TFEC: variants seen among roughly 807,000 people sequenced by gnomAD.
TFEC encodes the protein class E basic helix-loop-helix protein 34.
In TFEC, 31 loss-of-function variants were observed where a neutral mutation model predicts 41.6. The observed-to-expected ratio is 0.74, with a 90% CI of 0.56 to 1.01. The LOEUF (loss-of-function observed/expected upper bound fraction) is 1.01, where lower values mean the gene tolerates loss of function less well. Ranked by LOEUF, TFEC falls within the 50% of genes least tolerant of loss-of-function variation. The pLI is 0.00. For synonymous variants in TFEC, 143 were observed against 140.6 expected (o/e 1.02, Z -0.12); for missense variants, 402 against 404.1 (o/e 0.99, Z 0.04).
At chr7:116,084,923 G>A (rs575048328) in intron 3 of TFEC, among the ~76,000 whole-genome samples, 7 of 151,916 alleles carry the variant, frequency 4.6e-5, no homozygotes, top group African/African-American at 1.7e-4. Flanking sequence ...CACATTTGCT[G>A]GCTGCTGTGA....
At chr7:116,012,205 T>C (rs1795026699) in intron 1 of TFEC, among the ~76,000 whole-genome samples, 1 of 152,290 alleles carries the variant, frequency 6.6e-6, no homozygotes, top group African/African-American at 2.4e-5. Context: ...TTCTTTAAAT[T>C]TCTATTCAAA....
At chr7:115,956,892 T>C (rs1792264755) in intron 3 of TFEC, 99 bp from the exon 4 acceptor site, 1 of 662,818 alleles carries the variant, frequency 1.5e-6, no homozygotes, top group Admixed American at 4.2e-5. Flanking sequence ...ATGTGGCATT[T>C]TGTTAATAAT....
At chr7:116,038,011 G>A (rs1236432299) in intron 3 of TFEC, among the ~76,000 whole-genome samples, 8 of 151,968 alleles carry the variant, frequency 5.3e-5, no homozygotes, top group African/African-American at 1.9e-4. Context: ...TATCTCACCA[G>A]TCAGCAGAAG....
chr7:116,071,250 A>G (rs890785396), intron 3 of TFEC, among the ~76,000 whole-genome samples: 3 of 151,150 alleles, frequency 2.0e-5, no homozygotes, highest in African/African-American at 7.3e-5. Flanking sequence ...CTCTGAACTT[A>G]AGCTTACCCC....
intron 3 of TFEC, among the ~76,000 whole-genome samples, chr7:115,957,954 G>C (rs908213315): frequency 6.6e-6 from 1 of 151,762 alleles, no homozygotes; most frequent in African/African-American, 2.4e-5. Flanking sequence ...TATACCTGAG[G>C]GGAAAAATTG....
chr7:116,084,694 G>C (rs957450126), intron 3 of TFEC, among the ~76,000 whole-genome samples: 2 of 151,800 alleles, frequency 1.3e-5, no homozygotes, highest in African/African-American at 4.8e-5. Flanking sequence ...GTACTGTAAT[G>C]CTTCCTGGGA....
chr7:116,087,690 G>T (rs1584499259), intron 3 of TFEC, among the ~76,000 whole-genome samples: 1 of 151,966 alleles, frequency 6.6e-6, no homozygotes, highest in Non-Finnish European at 1.5e-5. Context: ...GGAGATGGAA[G>T]GTATCTTTGA....
intron 3 of TFEC, among the ~76,000 whole-genome samples, chr7:116,081,556 C>T (rs1284874267): frequency 2.0e-5 from 3 of 151,998 alleles, no homozygotes; most frequent in Non-Finnish European, 4.4e-5. Flanking sequence ...AGCAGCTTTC[C>T]AGCAAGAGCT....
chr7:116,126,411 T>C (rs538133391), intron 1 of TFEC, among the ~76,000 whole-genome samples: 29 of 152,046 alleles, frequency 1.9e-4, no homozygotes, highest in African/African-American at 7.0e-4. Context: ...AGTAAACTAA[T>C]AGGAGTCCCA....
chr7:115,957,101 G>C (rs1792277339), intron 3 of TFEC, among the ~76,000 whole-genome samples: 1 of 151,936 alleles, frequency 6.6e-6, no homozygotes, highest in South Asian at 2.1e-4. Flanking sequence ...TCCAGCATAT[G>C]ACCTGGTTAT....
intron 3 of TFEC, among the ~76,000 whole-genome samples, chr7:116,108,181 A>C (rs919204799): frequency 6.6e-6 from 1 of 152,200 alleles, no homozygotes; most frequent in African/African-American, 2.4e-5. Context: ...TTAAGACGCA[A>C]AGGTATTTTA....
chr7:116,103,735 A>G (rs1797656056), intron 3 of TFEC, among the ~76,000 whole-genome samples: 1 of 152,194 alleles, frequency 6.6e-6, no homozygotes, highest in Admixed American at 6.5e-5. Context: ...ACGCATATTT[A>G]AAAGATAATT....
At chr7:115,995,327 T>C (rs1408507367) in intron 1 of TFEC, among the ~76,000 whole-genome samples, 1 of 151,936 alleles carries the variant, frequency 6.6e-6, no homozygotes, top group Non-Finnish European at 1.5e-5. Flanking sequence ...ACATGTACCC[T>C]AGAACTTAAA....
chr7:115,965,721 C>A (rs1401869532), intron 3 of TFEC, among the ~76,000 whole-genome samples: 3 of 151,496 alleles, frequency 2.0e-5, no homozygotes, highest in Non-Finnish European at 4.4e-5. Flanking sequence ...ATATCTGGGT[C>A]CAAAATTATT....
At chr7:116,061,820 G>A (rs1305970986) in intron 3 of TFEC, among the ~76,000 whole-genome samples, 1 of 152,048 alleles carries the variant, frequency 6.6e-6, no homozygotes, top group South Asian at 2.1e-4. Flanking sequence ...AAGGTATATG[G>A]ATAGCAAATA....
At position 116,155,576 on chromosome 7, in the gene TFEC, A is replaced by G. The variant is rs921909963; in HGVS notation, c.-69+4214T>C. ...GATGTCTTTGCAGTGCCAGGAAAAA[A>G]AAAGAAAGAAAGAAAGAAAACACTT... is the stretch of plus-strand genomic sequence containing the variant. On this transcript the variant is annotated intron_variant, in intron 1 of 8. Transcript: ENST00000484212. Among the ~76,000 whole-genome samples the G allele has an allele frequency of 2.4e-4, 37 of 152,238 alleles. No homozygotes were observed. The East Asian group carries it at 3.3e-3, about 14-fold the overall frequency.
intron 1 of TFEC, among the ~76,000 whole-genome samples, chr7:116,142,334 G>C (rs943313147): frequency 1.3e-5 from 2 of 152,130 alleles, no homozygotes; most frequent in Admixed American, 6.6e-5. Context: ...TGAAGTGATG[G>C]ATTACTAAGA....
intron 3 of TFEC, among the ~76,000 whole-genome samples, chr7:116,062,426 C>G (rs1796585419): frequency 1.3e-5 from 2 of 149,626 alleles, no homozygotes; most frequent in African/African-American, 4.9e-5. Flanking sequence ...TAGCTTAGCT[C>G]CCACTTATGA....
chr7:116,033,108 G>C (rs930756796), upstream of TFEC, among the ~76,000 whole-genome samples: 11 of 149,746 alleles, frequency 7.3e-5, no homozygotes, highest in Admixed American at 2.7e-4. Context: ...CAAAGAAAAG[G>C]GCAAGACATC....
Sources: allele counts gnomAD v4.1 joint callset (sites outside exome capture counted in the v4.1 genomes callset), GRCh38; gene constraint gnomAD v4.1.1; transcripts MANE v1.5; gene names NCBI Gene and HGNC (gene_info 2026-07-23, HGNC 2026-07-21).